MEIKIN: variants seen among roughly 807,000 people sequenced by gnomAD.
MEIKIN encodes the protein meiosis-specific kinetochore protein.
At chr5:131,869,538 A>T (rs2149623585) in intron 9 of MEIKIN, among the ~76,000 whole-genome samples, 1 of 152,332 alleles carries the variant, frequency 6.6e-6, no homozygotes, top group South Asian at 2.1e-4. Flanking sequence ...GGTTCTGAAA[A>T]ATACTTTCTC....
intron 5 of MEIKIN, among the ~76,000 whole-genome samples, chr5:131,932,334 C>T (rs1282789411): frequency 2.6e-5 from 4 of 152,186 alleles, no homozygotes. Flanking sequence ...TTAGTTGGCT[C>T]AGGTAACTCA....
intron 4 of MEIKIN, among the ~76,000 whole-genome samples, chr5:131,941,024 C>T (rs556888411): frequency 3.6e-4 from 54 of 151,648 alleles, no homozygotes; most frequent in African/African-American, 1.2e-3. Flanking sequence ...TTTCTCCTGG[C>T]AGCAGGCACT....
intron 8 of MEIKIN, among the ~76,000 whole-genome samples, chr5:131,898,790 T>A (rs1381731699): frequency 6.6e-6 from 1 of 152,218 alleles, no homozygotes; most frequent in Non-Finnish European, 1.5e-5. Flanking sequence ...AAAAGCACAG[T>A]ATTTGGGCAG....
At chr5:131,894,387 T>C (rs1387651444) in intron 8 of MEIKIN, among the ~76,000 whole-genome samples, 2 of 151,948 alleles carry the variant, frequency 1.3e-5, no homozygotes, top group African/African-American at 2.4e-5. Context: ...TGCAGGCTCT[T>C]TTTTGGTTCC....
intron 11 of MEIKIN, among the ~76,000 whole-genome samples, chr5:131,820,055 G>A (rs1298348242): frequency 5.1e-5 from 7 of 138,190 alleles, no homozygotes; most frequent in Non-Finnish European, 6.1e-5. Flanking sequence ...GATTACAGGC[G>A]TGAGCCACCG....
chr5:131,932,970 C>A (rs1225040232), intron 5 of MEIKIN, among the ~76,000 whole-genome samples: 1 of 152,052 alleles, frequency 6.6e-6, no homozygotes, highest in Non-Finnish European at 1.5e-5. Flanking sequence ...TTTGTACTTT[C>A]TTTTTTTCAA....
chr5:131,813,363 C>A (rs1208220917), intron 12 of MEIKIN, among the ~76,000 whole-genome samples: 1 of 151,896 alleles, frequency 6.6e-6, no homozygotes, highest in Non-Finnish European at 1.5e-5. Flanking sequence ...GTGGGCAGAA[C>A]TGAGAGGAGT....
chr5:131,923,391 A>C (rs957291898), intron 5 of MEIKIN, among the ~76,000 whole-genome samples: 1 of 151,130 alleles, frequency 6.6e-6, no homozygotes, highest in Non-Finnish European at 1.5e-5. Flanking sequence ...TTTCTTAATA[A>C]TTTTCTTCCC....
chr5:131,877,113 A>G (rs1356471382), intron 9 of MEIKIN, among the ~76,000 whole-genome samples: 3 of 152,074 alleles, frequency 2.0e-5, no homozygotes, highest in African/African-American at 4.8e-5. Context: ...AAACCTGCAC[A>G]TTGTGCACAT....
intron 11 of MEIKIN, among the ~76,000 whole-genome samples, chr5:131,828,276 T>C (rs957753350): frequency 1.3e-5 from 2 of 152,106 alleles, no homozygotes; most frequent in African/African-American, 4.8e-5. Context: ...CATCCTCCCA[T>C]CTCAGCCTCC....
At chr5:131,919,967 A>G (rs1409129246) in intron 6 of MEIKIN, among the ~76,000 whole-genome samples, 2 of 152,236 alleles carry the variant, frequency 1.3e-5, no homozygotes, top group Non-Finnish European at 2.9e-5. Flanking sequence ...CTAGCTATAC[A>G]TATTACAAGT....
intron 11 of MEIKIN, among the ~76,000 whole-genome samples, chr5:131,820,067 G>A (rs1358825794): frequency 1.7e-4 from 18 of 106,428 alleles, no homozygotes; most frequent in African/African-American, 6.9e-4. Context: ...GAGCCACCGC[G>A]CCCGGCCTTT....
At chr5:131,943,289 T>TAC (rs1751905266) in intron 3 of MEIKIN, among the ~76,000 whole-genome samples, 1 of 152,164 alleles carries the variant, frequency 6.6e-6, no homozygotes, top group Non-Finnish European at 1.5e-5. Context: ...TTCATATATA[T>TAC]ACACACACAT....
chr5:131,873,306 C>A (rs1172241175), intron 9 of MEIKIN, among the ~76,000 whole-genome samples: 3 of 152,126 alleles, frequency 2.0e-5, no homozygotes, highest in Non-Finnish European at 2.9e-5. Context: ...GGAGGAAGAT[C>A]TACCAAGCAA....
At chr5:131,824,203 G>A (rs920675095) in intron 11 of MEIKIN, among the ~76,000 whole-genome samples, 1 of 152,056 alleles carries the variant, frequency 6.6e-6, no homozygotes, top group Admixed American at 6.6e-5. Flanking sequence ...GGATGAACAA[G>A]CAACCAAAAA....
chr5:131,838,549 C>T (rs1749851692), intron 11 of MEIKIN, among the ~76,000 whole-genome samples: 1 of 132,964 alleles, frequency 7.5e-6, no homozygotes, highest in Non-Finnish European at 1.7e-5. Flanking sequence ...TTCAGAGATT[C>T]AATTTCTTCC....
intron 5 of MEIKIN, among the ~76,000 whole-genome samples, chr5:131,924,095 G>A (rs1329929265): frequency 2.0e-5 from 3 of 152,032 alleles, no homozygotes; most frequent in East Asian, 3.9e-4. Flanking sequence ...GACCCTCTGT[G>A]ACTGGCTTAT....
At chr5:131,840,408 T>C (rs1749884380) in intron 11 of MEIKIN, among the ~76,000 whole-genome samples, 1 of 152,172 alleles carries the variant, frequency 6.6e-6, no homozygotes, top group Non-Finnish European at 1.5e-5. Context: ...TGTTGGCCTC[T>C]CTAGCTAGGT....
intron 11 of MEIKIN, among the ~76,000 whole-genome samples, chr5:131,832,907 T>G (rs1221085273): frequency 2.0e-5 from 3 of 152,148 alleles, no homozygotes; most frequent in Non-Finnish European, 4.4e-5. Flanking sequence ...GAAAACCACT[T>G]TTTCCTCCTA....
Sources: gnomAD v4.1 joint callset for allele counts (sites outside exome capture counted in the v4.1 genomes callset) on GRCh38, gnomAD v4.1.1 for gene constraint, MANE v1.5 for transcripts, NCBI Gene and HGNC (gene_info 2026-07-23, HGNC 2026-07-21) for gene names.